CLCA2: variants seen among roughly 807,000 people sequenced by gnomAD.
The protein encoded by CLCA2 is calcium-activated chloride channel regulator 2.
In CLCA2, 85 loss-of-function variants were observed where a neutral mutation model predicts 82.9. That is an observed-to-expected ratio of 1.03 (90% CI 0.86 to 1.23). The LOEUF is 1.23. Ranked by LOEUF, CLCA2 falls within the 50% of genes most tolerant of loss-of-function variation. The pLI is 0.00. For synonymous variants in CLCA2, 421 were observed against 391.7 expected, an observed-to-expected ratio of 1.07 and a Z score of -0.88; for missense variants, 1,089 against 1,124.8, an observed-to-expected ratio of 0.97 and a Z score of 0.45.
At chr1:86,431,106 C>G (rs908110264) in intron 4 of CLCA2, 136 bp downstream of exon 4, 2 of 610,120 alleles carry the variant, frequency 3.3e-6, no homozygotes, top group South Asian at 2.2e-5. Context: ...AGAAAGAGAT[C>G]CTTTCACTTT....
In CLCA2 at chr1:86,453,430, G is replaced by A; in HGVS notation, c.2217G>A (p.Trp739Ter). ...SVGRNEEERK[W>*]GFSRVSSGGS... ...GCAGAAATGAGGAGGAGCGAAAGTG[G>A]GGCTTTAGCCGAGTCAGCTCAGGAG... The change falls in exon 13 of 14, where the codon TGG becomes TGA. Residue 739 changes from tryptophan (W) to a stop codon, truncating the protein, a stop_gained. Coordinates refer to ENST00000370565, the MANE Select transcript of CLCA2 (RefSeq NM_006536.7). LOFTEE classifies it high-confidence loss of function. 1.9e-6 allele frequency: 3 copies of A among 1,614,080 alleles called. No individual in the cohort carries two copies. Among genetic ancestry groups the A allele is most frequent in the Non-Finnish European group, 2.5e-6 (3 of 1,180,026 alleles).
chr1:86,455,316 TA>T lies in CLCA2; in HGVS notation c.2622del (p.Leu874PhefsTer30). Reference sequence around the variant, plus strand: ...ATACGAGCAATGGATAGGAACTCCTTACAGTCTGCTGTATCTAACATTGCCC... The same window carrying T: ...ATACGAGCAATGGATAGGAACTCCTTCAGTCTGCTGTATCTAACATTGCCC... ...VAIRAMDRNS[L>X]QSAVSNIAQA... On this transcript the variant is annotated frameshift_variant, in exon 14 of 14. Coordinates refer to ENST00000370565, the MANE Select transcript of CLCA2 (RefSeq NM_006536.7). LOFTEE classifies it low-confidence loss of function (END_TRUNC). 6.2e-6 allele frequency: 10 copies of T among 1,614,022 alleles called. No individual in the cohort carries two copies. The highest frequency in any genetic ancestry group is 1.3e-5 in the African/African-American group (1 of 75,054).
chr1:86,434,317 A>T (rs1222903831), intron 5 of CLCA2, among the ~76,000 whole-genome samples: 1 of 152,238 alleles, frequency 6.6e-6, no homozygotes, highest in Non-Finnish European at 1.5e-5. Flanking sequence ...AACCACAAAG[A>T]TGCTAGTGTT....
chr1:86,452,175 G>GGTT (rs1558120350), intron 12 of CLCA2, among the ~76,000 whole-genome samples: 6 of 60,684 alleles, frequency 9.9e-5, no homozygotes, highest in African/African-American at 3.6e-4. Context: ...AAACCTGGAA[G>GGTT]CTTTTTTTTT....
At position 86,430,909 on chromosome 1, in the gene CLCA2, G is replaced by A. The variant is rs752394361; in HGVS notation, c.523G>A (p.Asp175Asn). ...GGCCCACCTCCGTTGGGGTGTGTTC[G>A]ATGAGTATAACAATGACAAACCTTT... ...EWAHLRWGVF[D>N]EYNNDKPFYI... Residue 175 changes from aspartate (D) to asparagine (N), a missense_variant, in exon 4 of 14, where the codon GAT becomes AAT. Coordinates refer to ENST00000370565, the MANE Select transcript of CLCA2 (RefSeq NM_006536.7). 2.5e-6 allele frequency: 4 copies of A among 1,613,838 alleles called. No individual in the cohort carries two copies. Among genetic ancestry groups the A allele is most frequent in the South Asian group, 1.1e-5 (1 of 91,034 alleles).
intron 12 of CLCA2, 99 bp downstream of exon 12, chr1:86,450,832 A>G (rs1662949029): frequency 9.2e-7 from 1 of 1,088,988 alleles, no homozygotes; most frequent in Non-Finnish European, 1.3e-6. Context: ...AGAGAAAGAG[A>G]GAATTTCAAA....
In CLCA2 at chr1:86,454,318, A is replaced by G. The variant is rs182418405; in HGVS notation, c.2389+716A>G. On this transcript the variant is annotated intron_variant, in intron 13 of 13. Coordinates refer to ENST00000370565, the MANE Select transcript of CLCA2 (RefSeq NM_006536.7). ...TATTTTTTGATGTGTCTATTCATGC[A>G]TCAGTAAGTACCACAGCATTTTAAT... 3.3e-5 allele frequency among the ~76,000 whole-genome samples: 5 copies of G among 152,292 alleles called. No homozygotes were observed. The East Asian group carries it at 9.6e-4, about 29-fold the overall frequency.
Position 86,428,435 on chromosome 1 carries a change from T to C in CLCA2, c.342T>C (p.Thr114=). ...ESYEKANVIV[T]DWYGAHGDDP... is the part of the protein sequence containing the mutation. ...TAATTTAGGCAAATGTCATAGTGACTGACTGGTATGGGGCACATGGAGATG... is the reference window on the plus strand; with the variant it reads ...TAATTTAGGCAAATGTCATAGTGACCGACTGGTATGGGGCACATGGAGATG... The change falls in exon 3 of 14, where the codon ACT becomes ACC. Residue 114 remains threonine (T), a synonymous_variant. Transcript: ENST00000370565. 1 of 1,601,978 alleles carries C rather than the reference T, an allele frequency of 6.2e-7. No homozygotes were observed. Among genetic ancestry groups the C allele is most frequent in the Non-Finnish European group, 8.5e-7 (1 of 1,174,714 alleles).
At chr1:86,453,848 T>A (rs1189001840) in intron 13 of CLCA2, among the ~76,000 whole-genome samples, 2 of 152,072 alleles carry the variant, frequency 1.3e-5, no homozygotes, top group African/African-American at 4.8e-5. Context: ...ACACCACGTG[T>A]TATGGGTGTC....
At position 86,434,993 on chromosome 1, in the gene CLCA2, A is replaced by G. The variant is rs553040334; in HGVS notation, c.972+248A>G. Among the ~76,000 whole-genome samples, 6 of 152,198 alleles carry G rather than the reference A, an allele frequency of 3.9e-5. No individual in the cohort carries two copies. The South Asian group carries it at 1.2e-3, about 32-fold the overall frequency. On this transcript the variant is annotated intron_variant, in intron 6 of 13. Coordinates refer to ENST00000370565, the MANE Select transcript of CLCA2 (RefSeq NM_006536.7). Reference sequence around the variant, plus strand: ...CACCCAGGCTGGAGTGCAGTGGCACAATTTCAGCTCACTGCAGCCTCGACC... The same window carrying G: ...CACCCAGGCTGGAGTGCAGTGGCACGATTTCAGCTCACTGCAGCCTCGACC...
chr1:86,451,460 G>T (rs540826410), intron 12 of CLCA2, among the ~76,000 whole-genome samples: 1 of 152,186 alleles, frequency 6.6e-6, no homozygotes, highest in East Asian at 1.9e-4. Context: ...TCCACACCAT[G>T]ATTCTATACT....
rs1210500488 is a variant in CLCA2, at chr1:86,447,657, T to C, written c.1863T>C (p.Pro621=). The C allele has an allele frequency of 5.0e-6, 8 of 1,614,032 alleles. No homozygotes were observed. Among genetic ancestry groups the C allele is most frequent in the Non-Finnish European group, 6.8e-6 (8 of 1,180,016 alleles). ...GAGACAGCCTCCATTTTCCTCATCC[T>C]GTGATGATTTATGCCAATGTGAAAC... ...VERDSLHFPH[P]VMIYANVKQG... is the part of the protein sequence containing the mutation. Residue 621 remains proline, a synonymous_variant, in exon 11 of 14, where the codon CCT becomes CCC. Transcript: ENST00000370565.
rs764893460 is a variant in CLCA2, at chr1:86,453,415, G to T, written c.2202G>T (p.Glu734Asp). Residue 734 changes from glutamate to aspartate, a missense_variant, in exon 13 of 14, where the codon GAG becomes GAT. Coordinates refer to ENST00000370565, the MANE Select transcript of CLCA2 (RefSeq NM_006536.7). Reference protein sequence around the residue: ...NAPRKSVGRNEEERKWGFSRV... With the variant: ...NAPRKSVGRNDEERKWGFSRV... The stretch of plus-strand genomic sequence containing the variant: ...CAAGGAAATCAGTAGGCAGAAATGA[G>T]GAGGAGCGAAAGTGGGGCTTTAGCC... 6.2e-7 allele frequency: 1 copy of T among 1,614,130 alleles called. No homozygotes were observed. The highest frequency in any genetic ancestry group is 1.1e-5 in the South Asian group (1 of 91,088).
chr1:86,434,909 C>G (rs1246867738), intron 6 of CLCA2, among the ~76,000 whole-genome samples, 164 bp downstream of exon 6: 2 of 152,122 alleles, frequency 1.3e-5, no homozygotes, highest in Non-Finnish European at 2.9e-5. Flanking sequence ...AACCCATCAC[C>G]TAGGTAGTAA....
chr1:86,443,754 C>A, intron 9 of CLCA2, 33 bp from the exon 10 acceptor site: 2 of 1,509,008 alleles, frequency 1.3e-6, no homozygotes, highest in East Asian at 2.3e-5. Context: ...ATGCATACAC[C>A]AGAAACTCTC....
chr1:86,438,764 G>T, intron 6 of CLCA2, 112 bp from the exon 7 acceptor site: 2 of 845,288 alleles, frequency 2.4e-6, no homozygotes, highest in East Asian at 2.5e-5. Flanking sequence ...AAAAAATTAT[G>T]ATCCAACATC....
intron 1 of CLCA2, among the ~76,000 whole-genome samples, chr1:86,424,742 T>C (rs1432058806): frequency 6.6e-6 from 1 of 152,150 alleles, no homozygotes; most frequent in Admixed American, 6.5e-5. Context: ...AACAACCCAT[T>C]GTGGCAACAA....
Position 86,450,655 on chromosome 1 carries a change from C to T in CLCA2, c.2077C>T (p.His693Tyr), listed in dbSNP as rs1662944647. Reference sequence around the variant, plus strand: ...ATATAGCTTGAAAGTGCATGTCAATCACTCTCCCAGCATAAGCACCCCAGC... The same window carrying T: ...ATATAGCTTGAAAGTGCATGTCAATTACTCTCCCAGCATAAGCACCCCAGC... Reference protein sequence around the residue: ...GRYSLKVHVNHSPSISTPAHS... With the variant: ...GRYSLKVHVNYSPSISTPAHS... Residue 693 changes from histidine (H) to tyrosine (Y), a missense_variant, in exon 12 of 14, where the codon CAC becomes TAC. Coordinates refer to ENST00000370565, the MANE Select transcript of CLCA2 (RefSeq NM_006536.7). 6.2e-7 allele frequency: 1 copy of T among 1,613,528 alleles called. No individual in the cohort carries two copies. The highest frequency in any genetic ancestry group is 8.5e-7 in the Non-Finnish European group (1 of 1,179,746).
intron 3 of CLCA2, among the ~76,000 whole-genome samples, chr1:86,430,213 T>C (rs1465343470): frequency 6.6e-6 from 1 of 151,480 alleles, no homozygotes; most frequent in African/African-American, 2.4e-5. Flanking sequence ...GAGAGGAAGT[T>C]CTAAAGGATC....
Sources: allele counts gnomAD v4.1 joint callset (sites outside exome capture counted in the v4.1 genomes callset), GRCh38; gene constraint gnomAD v4.1.1; transcripts MANE v1.5; gene names NCBI Gene and HGNC (gene_info 2026-07-23, HGNC 2026-07-21).